SAMD3: variants seen among roughly 807,000 people sequenced by gnomAD.
SAMD3 encodes the protein sterile alpha motif domain-containing protein 3.
Under a neutral mutation model 58.5 loss-of-function variants are expected in SAMD3, and 63 were observed. The observed-to-expected ratio is 1.08, with a 90% confidence interval of 0.88 to 1.33. The LOEUF is 1.33. Ranked by LOEUF, SAMD3 falls within the 40% of genes most tolerant of loss-of-function variation. The pLI, the probability that SAMD3 is intolerant of heterozygous loss-of-function variation, is 0.00. For synonymous variants in SAMD3, 220 were observed against 210.3 expected, an observed-to-expected ratio of 1.05 and a Z score of -0.40; for missense variants, 604 against 608.4, an observed-to-expected ratio of 0.99 and a Z score of 0.08.
At chr6:130,200,553 C>A (rs1342742690) in intron 5 of SAMD3, among the ~76,000 whole-genome samples, 4 of 104,998 alleles carry the variant, frequency 3.8e-5, no homozygotes, top group African/African-American at 1.2e-4. Flanking sequence ...TGTCCCCCGA[C>A]CCACAAAAAA....
At chr6:130,234,086 C>T (rs1014426427) in intron 2 of SAMD3, among the ~76,000 whole-genome samples, 3 of 152,174 alleles carry the variant, frequency 2.0e-5, no homozygotes, top group Admixed American at 6.5e-5. Flanking sequence ...TTGCTATTAG[C>T]AACACAGAAG....
intron 2 of SAMD3, among the ~76,000 whole-genome samples, chr6:130,229,962 T>C (rs548529746): frequency 6.6e-6 from 1 of 152,332 alleles, no homozygotes; most frequent in African/African-American, 2.4e-5. Flanking sequence ...GGAGAAATTA[T>C]TTTTCTCTAG....
intron 1 of SAMD3, among the ~76,000 whole-genome samples, chr6:130,327,755 T>C (rs1241264182): frequency 1.3e-5 from 2 of 152,214 alleles, no homozygotes; most frequent in East Asian, 3.8e-4. Context: ...TTATGCTAAA[T>C]GTAAGATACT....
intron 9 of SAMD3, among the ~76,000 whole-genome samples, chr6:130,150,153 G>C (rs1294372773): frequency 5.9e-5 from 9 of 152,106 alleles, no homozygotes; most frequent in Admixed American, 3.9e-4. Flanking sequence ...TCTCTGCTGA[G>C]ATTCCCTATG....
chr6:130,339,992 A>C (rs1381361931), intron 1 of SAMD3, among the ~76,000 whole-genome samples: 1 of 152,232 alleles, frequency 6.6e-6, no homozygotes, highest in African/African-American at 2.4e-5. Flanking sequence ...TAATATTGCC[A>C]TAGGTTCCCT....
rs139783508 is a variant in SAMD3, at chr6:130,266,365, G to C, written c.-187-43552C>G. ...ATGGCCATAGGAAGCCCAAGAATTT[G>C]TACCTATAAACCCAGTTCCTGATGA... is the stretch of plus-strand genomic sequence containing the variant. On this transcript the variant is annotated intron_variant, in intron 2 of 13. Transcript: ENST00000368134. Among the ~76,000 whole-genome samples the C allele has an allele frequency of 1.7e-3, 264 of 152,220 alleles. 2 individuals are homozygous for C. Among genetic ancestry groups the C allele is most frequent in the African/African-American group, 6.2e-3 (258 of 41,532 alleles).
At chr6:130,319,286 A>G (rs762173146) in intron 1 of SAMD3, among the ~76,000 whole-genome samples, 1 of 152,180 alleles carries the variant, frequency 6.6e-6, no homozygotes, top group Non-Finnish European at 1.5e-5. Context: ...CCTCAGGTCT[A>G]AGAATCTTAA....
chr6:130,230,134 G>A (rs1391894846), intron 2 of SAMD3, among the ~76,000 whole-genome samples: 1 of 152,182 alleles, frequency 6.6e-6, no homozygotes, highest in Non-Finnish European at 1.5e-5. Context: ...TTTGCATAGA[G>A]TGCCGTTAAG....
At chr6:130,223,252 G>C, upstream of SAMD3, among the ~76,000 whole-genome samples, 1 of 152,276 alleles carries the variant, frequency 6.6e-6, no homozygotes, top group South Asian at 2.1e-4. Flanking sequence ...AGGACTCAAA[G>C]CTTTGCATCT....
At chr6:130,259,808 C>T (rs1000902979) in intron 2 of SAMD3, among the ~76,000 whole-genome samples, 3 of 152,180 alleles carry the variant, frequency 2.0e-5, no homozygotes, top group African/African-American at 7.2e-5. Flanking sequence ...CTAGTGATAA[C>T]ATCTCACAAA....
At position 130,211,521 on chromosome 6, in the gene SAMD3, T is replaced by C. The variant is rs1161445192; in HGVS notation, c.270-1913A>G. Among the ~76,000 whole-genome samples, 6 of 152,036 alleles carry C rather than the reference T, an allele frequency of 3.9e-5. No individual in the cohort carries two copies. In the East Asian group the frequency reaches 9.7e-4, roughly 25 times the overall value. Reference sequence around the variant, plus strand: ...CTGGTCTCAAACTCCTGACCTCAAGTGATCTGCCCGCCTTGGCCTCCCAAA... The same window carrying C: ...CTGGTCTCAAACTCCTGACCTCAAGCGATCTGCCCGCCTTGGCCTCCCAAA... On this transcript the variant is annotated intron_variant, in intron 4 of 11. Coordinates refer to ENST00000439090, the MANE Select transcript of SAMD3 (RefSeq NM_001017373.4).
In SAMD3 at chr6:130,295,224, C is replaced by T. The variant is rs559276942; in HGVS notation, c.-188+17754G>A. 1.8e-4 allele frequency among the ~76,000 whole-genome samples: 27 copies of T among 152,226 alleles called. 1 individual carries two copies. The South Asian group carries it at 5.4e-3, about 30-fold the overall frequency. On this transcript the variant is annotated intron_variant, in intron 2 of 13. Transcript: ENST00000368134. ...AGGCGTGAGCCACCACGTCCAGCCT[C>T]TCTGATTATTTTTTTATCAGTCTGT...
At chr6:130,356,921 C>T (rs1280356128) in intron 1 of SAMD3, among the ~76,000 whole-genome samples, 1 of 152,116 alleles carries the variant, frequency 6.6e-6, no homozygotes, top group Non-Finnish European at 1.5e-5. Flanking sequence ...GCTTAGCTTC[C>T]CATTTTGCAA....
chr6:130,245,078 G>C (rs891128220), intron 2 of SAMD3, among the ~76,000 whole-genome samples: 1 of 152,192 alleles, frequency 6.6e-6, no homozygotes, highest in Non-Finnish European at 1.5e-5. Flanking sequence ...TTTGAATTAG[G>C]AGTGTTCTGG....
At chr6:130,149,722 G>A (rs1348054959) in intron 9 of SAMD3, among the ~76,000 whole-genome samples, 2 of 152,148 alleles carry the variant, frequency 1.3e-5, no homozygotes, top group African/African-American at 4.8e-5. Context: ...AGATTAGAGG[G>A]TGGGTGGAAG....
At chr6:130,257,484 A>G (rs1773964917) in intron 2 of SAMD3, among the ~76,000 whole-genome samples, 1 of 152,152 alleles carries the variant, frequency 6.6e-6, no homozygotes, top group Admixed American at 6.6e-5. Flanking sequence ...AATTAGAAGA[A>G]TAATTTCACT....
intron 2 of SAMD3, among the ~76,000 whole-genome samples, chr6:130,231,028 T>G (rs1301178446): frequency 6.6e-6 from 1 of 152,144 alleles, no homozygotes; most frequent in Non-Finnish European, 1.5e-5. Context: ...AAATAAAGAT[T>G]TCAAAGACCT....
At chr6:130,272,791 A>T (rs2114938514) in intron 2 of SAMD3, among the ~76,000 whole-genome samples, 1 of 152,240 alleles carries the variant, frequency 6.6e-6, no homozygotes, top group African/African-American at 2.4e-5. Flanking sequence ...TGATCCTCCC[A>T]GCTCAGCTTC....
intron 1 of SAMD3, among the ~76,000 whole-genome samples, chr6:130,322,225 T>C (rs1338313727): frequency 6.6e-6 from 1 of 152,128 alleles, no homozygotes; most frequent in Non-Finnish European, 1.5e-5. Flanking sequence ...AATCTGGTTC[T>C]TGGTTGAGCC....
Sources: allele counts gnomAD v4.1 joint callset (sites outside exome capture counted in the v4.1 genomes callset), GRCh38; gene constraint gnomAD v4.1.1; transcripts MANE v1.5; gene names NCBI Gene and HGNC (gene_info 2026-07-23, HGNC 2026-07-21).